The following BNC2 variants were observed in gnomAD, a reference collection of about 807,000 sequenced individuals.
BNC2 encodes the protein basonuclin zinc finger protein 2.
In BNC2, 20 loss-of-function variants were observed where a neutral mutation model predicts 76.3. The observed-to-expected ratio is 0.26, with a 90% CI of 0.18 to 0.38. The LOEUF is 0.38. Among genes scored for constraint, BNC2 ranks in the 10% least tolerant of loss-of-function variants. The pLI, the probability that BNC2 is intolerant of heterozygous loss-of-function variation, is 1.00. For synonymous variants in BNC2, 582 were observed against 514.8 expected, an observed-to-expected ratio of 1.13 and a Z score of -1.77; for missense variants, 1,382 against 1,399.8, an observed-to-expected ratio of 0.99 and a Z score of 0.20.
chr9:16,464,717 T>C (rs1413281497), intron 5 of BNC2, among the ~76,000 whole-genome samples: 1 of 152,182 alleles, frequency 6.6e-6, no homozygotes, highest in African/African-American at 2.4e-5. Context: ...CCACCACGCC[T>C]GGCTAATTTT....
intron 3 of BNC2, among the ~76,000 whole-genome samples, chr9:16,612,294 A>C (rs1820570516): frequency 6.6e-6 from 1 of 152,182 alleles, no homozygotes; most frequent in Non-Finnish European, 1.5e-5. Context: ...GTTCATATTC[A>C]TTAGGCTGTT....
chr9:16,835,977 G>A (rs1012284028), intron 1 of BNC2, among the ~76,000 whole-genome samples: 2 of 152,112 alleles, frequency 1.3e-5, no homozygotes, highest in African/African-American at 4.8e-5. Flanking sequence ...TAAGAATCCT[G>A]GCACTAGAAA....
intron 1 of BNC2, among the ~76,000 whole-genome samples, chr9:16,776,024 G>A (rs189907096): frequency 1.1e-4 from 16 of 152,236 alleles, no homozygotes; most frequent in South Asian, 2.1e-4. Context: ...GTGGAACCCC[G>A]ACCAGGTCAG....
intron 4 of BNC2, chr9:16,575,369 T>A: frequency 2.0e-6 from 2 of 985,396 alleles, no homozygotes; most frequent in Non-Finnish European, 2.4e-6. Flanking sequence ...AGGCCAGGTC[T>A]TGCCAGCCTC....
At chr9:16,699,549 G>T (rs1269483635) in intron 3 of BNC2, among the ~76,000 whole-genome samples, 1 of 152,188 alleles carries the variant, frequency 6.6e-6, no homozygotes, top group Non-Finnish European at 1.5e-5. Context: ...GTATGTACAT[G>T]ATGCAAGTAT....
chr9:16,507,363 G>A lies in BNC2; in HGVS notation c.669+45167C>T, dbSNP rs954742666. On this transcript the variant is annotated intron_variant, in intron 5 of 6. Coordinates refer to ENST00000380672, the MANE Select transcript of BNC2 (RefSeq NM_017637.6). ...CAGCCTACGCCTCCTGGGTTCAAAC[G>A]ATTCTCCTGCCTCAGCCTCCCAAGT... 6.8e-5 allele frequency among the ~76,000 whole-genome samples: 10 copies of A among 146,564 alleles called. No individual in the cohort carries two copies. In the South Asian group the frequency reaches 8.7e-4, roughly 13 times the overall value.
chr9:16,707,254 G>T (rs999151404), intron 3 of BNC2, among the ~76,000 whole-genome samples: 4 of 151,508 alleles, frequency 2.6e-5, no homozygotes, highest in African/African-American at 9.7e-5. Flanking sequence ...CAAGTAATCT[G>T]ATTTATTATC....
At chr9:16,869,098 T>C (rs1053276390) in intron 1 of BNC2, among the ~76,000 whole-genome samples, 3 of 152,200 alleles carry the variant, frequency 2.0e-5, no homozygotes, top group Non-Finnish European at 2.9e-5. Flanking sequence ...GCTTTTACAG[T>C]GTTCTTGTGT....
chr9:16,802,802 T>C (rs1408452185), intron 1 of BNC2, among the ~76,000 whole-genome samples: 2 of 152,208 alleles, frequency 1.3e-5, no homozygotes, highest in Admixed American at 1.3e-4. Flanking sequence ...CCAGAGAATG[T>C]TCTCTGGATT....
At chr9:16,862,383 A>G (rs1819432306) in intron 1 of BNC2, among the ~76,000 whole-genome samples, 1 of 152,226 alleles carries the variant, frequency 6.6e-6, no homozygotes, top group African/African-American at 2.4e-5. Flanking sequence ...ATGATTATAT[A>G]GTGTTATATA....
intron 5 of BNC2, among the ~76,000 whole-genome samples, chr9:16,463,109 C>T (rs7043912): frequency 0.012 from 1,877 of 152,054 alleles, 40 homozygotes; most frequent in African/African-American, 0.042. Context: ...GAGACTAGTA[C>T]ACTAAGAGTG....
intron 5 of BNC2, among the ~76,000 whole-genome samples, chr9:16,531,915 A>C (rs979480546): frequency 5.9e-5 from 9 of 152,152 alleles, no homozygotes; most frequent in African/African-American, 2.2e-4. Context: ...CCCTCTTCTT[A>C]AATGGGGAAG....
At chr9:16,859,320 T>C (rs1478191008) in intron 1 of BNC2, among the ~76,000 whole-genome samples, 3 of 152,222 alleles carry the variant, frequency 2.0e-5, no homozygotes, top group African/African-American at 7.2e-5. Flanking sequence ...AGAACTACTG[T>C]ATGATCCAGC....
At chr9:16,456,119 T>TA (rs1355184398) in intron 5 of BNC2, among the ~76,000 whole-genome samples, 1 of 152,154 alleles carries the variant, frequency 6.6e-6, no homozygotes, top group Non-Finnish European at 1.5e-5. Flanking sequence ...GACAACTACC[T>TA]ATCAAGGACT....
intron 1 of BNC2, 73 bp from the exon 2 acceptor site, chr9:16,738,558 C>CGTTT (rs1563921427): frequency 6.4e-7 from 1 of 1,552,856 alleles, no homozygotes; most frequent in East Asian, 2.3e-5. Context: ...TACATCAAAA[C>CGTTT]TTTAAGAAAT....
intron 1 of BNC2, among the ~76,000 whole-genome samples, chr9:16,816,955 A>G (rs983791090): frequency 6.6e-6 from 1 of 152,344 alleles, no homozygotes; most frequent in Admixed American, 6.5e-5. Flanking sequence ...GTTTAGAAGG[A>G]CTTTTGTGTC....
chr9:16,774,759 A>T (rs1825918670), intron 1 of BNC2, among the ~76,000 whole-genome samples: 1 of 152,206 alleles, frequency 6.6e-6, no homozygotes, highest in South Asian at 2.1e-4. Context: ...TCTACAAAAA[A>T]ACTAAGGCTA....
At chr9:16,586,686 G>A (rs931519220) in intron 3 of BNC2, among the ~76,000 whole-genome samples, 3 of 152,106 alleles carry the variant, frequency 2.0e-5, no homozygotes, top group South Asian at 2.1e-4. Flanking sequence ...GCAACTTCAC[G>A]CCCTCCTACA....
intron 5 of BNC2, among the ~76,000 whole-genome samples, chr9:16,489,699 T>A (rs1197289972): frequency 6.6e-6 from 1 of 152,200 alleles, no homozygotes; most frequent in African/African-American, 2.4e-5. Flanking sequence ...AAAGGCTAAC[T>A]CCATGGCAGG....
Sources: allele counts gnomAD v4.1 joint callset (sites outside exome capture counted in the v4.1 genomes callset), GRCh38; gene constraint gnomAD v4.1.1; transcripts MANE v1.5; gene names NCBI Gene and HGNC (gene_info 2026-07-23, HGNC 2026-07-21).